SCAPER: variants seen among roughly 807,000 people sequenced by gnomAD.
SCAPER encodes S phase cyclin A-associated protein in the endoplasmic reticulum.
SCAPER carries 98 observed loss-of-function variants against 182.2 expected under a neutral mutation model. The ratio of observed to expected loss-of-function variants is 0.54; its 90% CI spans 0.46 to 0.64. SCAPER has a LOEUF of 0.64. Among genes scored for constraint, SCAPER ranks in the 30% least tolerant of loss-of-function variants. The pLI is 0.00. For synonymous variants in SCAPER, 605 were observed against 564.6 expected, an observed-to-expected ratio of 1.07 and a Z score of -1.01; for missense variants, 1,432 against 1,690.0, an observed-to-expected ratio of 0.85 and a Z score of 2.68.
At chr15:76,483,759 T>C (rs967176348) in intron 24 of SCAPER, among the ~76,000 whole-genome samples, 3 of 152,168 alleles carry the variant, frequency 2.0e-5, no homozygotes, top group African/African-American at 7.2e-5. Flanking sequence ...TGTTCAATGC[T>C]ACATGTCATT....
intron 23 of SCAPER, 120 bp downstream of exon 23, chr15:76,574,038 C>A: frequency 2.2e-6 from 2 of 922,378 alleles, no homozygotes; most frequent in Non-Finnish European, 2.8e-6. Flanking sequence ...CTATTATTGA[C>A]TAGCTTTAAA....
rs192841665 is a variant in SCAPER, at chr15:76,812,086, G to C, written c.394-7453C>G. On this transcript the variant is annotated intron_variant, in intron 5 of 31. Coordinates refer to ENST00000563290, the MANE Select transcript of SCAPER (RefSeq NM_020843.4). ...CCTAACACTTTGGGAGGCCGAGGCAGGCAGATCACTTGAGGTCAGGAGTTC... is the reference window on the plus strand; with the variant it reads ...CCTAACACTTTGGGAGGCCGAGGCACGCAGATCACTTGAGGTCAGGAGTTC... Among the ~76,000 whole-genome samples, 172 of 152,242 alleles carry C rather than the reference G, an allele frequency of 1.1e-3. 1 individual carries two copies. Among genetic ancestry groups the C allele is most frequent in the African/African-American group, 4.0e-3 (166 of 41,562 alleles).
intron 22 of SCAPER, among the ~76,000 whole-genome samples, chr15:76,620,159 G>A (rs2051893021): frequency 6.6e-6 from 1 of 151,928 alleles, no homozygotes; most frequent in Non-Finnish European, 1.5e-5. Flanking sequence ...TTTTCTAAGT[G>A]GTTATTGCAA....
intron 23 of SCAPER, among the ~76,000 whole-genome samples, chr15:76,526,844 C>A (rs1352791783): frequency 2.6e-5 from 4 of 151,720 alleles, no homozygotes; most frequent in Admixed American, 2.6e-4. Flanking sequence ...CCTGAAAAAT[C>A]TTTTTCAAAT....
chr15:76,478,173 T>C (rs536213137), intron 24 of SCAPER, among the ~76,000 whole-genome samples: 1 of 152,028 alleles, frequency 6.6e-6, no homozygotes, highest in Non-Finnish European at 1.5e-5. Context: ...TACTTTCTTA[T>C]TTTTCTTCAA....
At chr15:76,737,172 G>A (rs866767762) in intron 15 of SCAPER, among the ~76,000 whole-genome samples, 5 of 152,202 alleles carry the variant, frequency 3.3e-5, no homozygotes, top group Middle Eastern at 3.4e-3. Flanking sequence ...ATCCATCAGA[G>A]GAATCACTAT....
intron 27 of SCAPER, among the ~76,000 whole-genome samples, chr15:76,383,841 A>G (rs1469149517): frequency 6.6e-6 from 1 of 152,224 alleles, no homozygotes; most frequent in Non-Finnish European, 1.5e-5. Flanking sequence ...AAATTTTGTG[A>G]TTAAGTAAAT....
intron 30 of SCAPER, among the ~76,000 whole-genome samples, chr15:76,353,017 T>C (rs1413171403): frequency 6.6e-6 from 1 of 152,128 alleles, no homozygotes; most frequent in Non-Finnish European, 1.5e-5. Context: ...TAATACAGGA[T>C]AGTTTGGAAA....
At chr15:76,826,067 G>C (rs2067986416) in intron 5 of SCAPER, among the ~76,000 whole-genome samples, 1 of 152,006 alleles carries the variant, frequency 6.6e-6, no homozygotes, top group South Asian at 2.1e-4. Flanking sequence ...TGTTTTCTAT[G>C]TTGCAGTCAT....
intron 1 of SCAPER, among the ~76,000 whole-genome samples, chr15:76,889,548 A>G (rs2074050755): frequency 1.3e-5 from 2 of 152,186 alleles, no homozygotes; most frequent in Non-Finnish European, 2.9e-5. Context: ...CAGACTTCAA[A>G]CCAACACAGA....
intron 29 of SCAPER, among the ~76,000 whole-genome samples, chr15:76,360,232 C>T (rs1362304590): frequency 1.3e-5 from 2 of 152,166 alleles, no homozygotes; most frequent in African/African-American, 2.4e-5. Flanking sequence ...TTTGCCAAAA[C>T]CTCAGTTAAC....
chr15:76,372,458 C>G (rs1176817227), intron 29 of SCAPER, among the ~76,000 whole-genome samples: 1 of 152,172 alleles, frequency 6.6e-6, no homozygotes, highest in African/African-American at 2.4e-5. Flanking sequence ...CCCCTTAACT[C>G]GGAGCCCAGA....
At chr15:76,651,775 A>G (rs1209269286) in intron 21 of SCAPER, among the ~76,000 whole-genome samples, 1 of 151,508 alleles carries the variant, frequency 6.6e-6, no homozygotes, top group Non-Finnish European at 1.5e-5. Context: ...CTATGAAGCT[A>G]GAATCAGACT....
intron 24 of SCAPER, among the ~76,000 whole-genome samples, chr15:76,492,464 T>C (rs2052413277): frequency 6.6e-6 from 1 of 152,212 alleles, no homozygotes; most frequent in African/African-American, 2.4e-5. Flanking sequence ...TTATGCTCAT[T>C]GGGTCTGTTG....
At chr15:76,490,294 T>G (rs1047088774) in intron 24 of SCAPER, among the ~76,000 whole-genome samples, 5 of 152,236 alleles carry the variant, frequency 3.3e-5, no homozygotes, top group African/African-American at 1.2e-4. Context: ...CTCCACATTC[T>G]TGTTAACACT....
At chr15:76,645,110 C>A (rs1400256234) in intron 21 of SCAPER, among the ~76,000 whole-genome samples, 1 of 152,082 alleles carries the variant, frequency 6.6e-6, no homozygotes, top group African/African-American at 2.4e-5. Context: ...AGCATATGCA[C>A]TGCATTACAT....
intron 15 of SCAPER, among the ~76,000 whole-genome samples, chr15:76,744,888 T>C (rs1389524342): frequency 6.6e-6 from 1 of 150,674 alleles, no homozygotes; most frequent in African/African-American, 2.4e-5. Flanking sequence ...AACCCAGGAG[T>C]CCATCAATAG....
At chr15:76,702,793 G>A in intron 19 of SCAPER, 57 bp downstream of exon 19, 2 of 1,541,440 alleles carry the variant, frequency 1.3e-6, no homozygotes, top group Non-Finnish European at 1.7e-6. Context: ...ATATTTCCAT[G>A]GTTTCATAAA....
chr15:76,670,529 T>C (rs1598056815), intron 20 of SCAPER, among the ~76,000 whole-genome samples: 2 of 152,332 alleles, frequency 1.3e-5, no homozygotes, highest in East Asian at 3.9e-4. Flanking sequence ...TATTCCTTTA[T>C]GATCAAATCA....
Sources: gnomAD v4.1 joint callset for allele counts (sites outside exome capture counted in the v4.1 genomes callset) on GRCh38, gnomAD v4.1.1 for gene constraint, MANE v1.5 for transcripts, NCBI Gene and HGNC (gene_info 2026-07-23, HGNC 2026-07-21) for gene names.